NIPAL2: variants seen among roughly 807,000 people sequenced by gnomAD.
NIPAL2 encodes NIPA like domain containing 2.
Under a neutral mutation model 48.9 loss-of-function variants are expected in NIPAL2, and 43 were observed. The observed-to-expected ratio is 0.88, with a 90% confidence interval of 0.69 to 1.13. The LOEUF (loss-of-function observed/expected upper bound fraction) is 1.13, where lower values mean the gene tolerates loss of function less well. NIPAL2 is among the 50% of genes most tolerant of loss of function. The pLI is 0.00. For synonymous variants in NIPAL2, 167 were observed against 174.6 expected (o/e 0.96, Z 0.34); for missense variants, 446 against 461.4 (o/e 0.97, Z 0.31).
intron 5 of NIPAL2, among the ~76,000 whole-genome samples, chr8:98,213,218 C>A (rs1432669758): frequency 1.3e-5 from 2 of 152,196 alleles, no homozygotes; most frequent in African/African-American, 2.4e-5. Context: ...CCTTCAACCT[C>A]CCCAGGAACC....
At chr8:98,222,401 T>A in intron 5 of NIPAL2, 78 bp downstream of exon 5, 1 of 1,420,690 alleles carries the variant, frequency 7.0e-7, no homozygotes, top group Middle Eastern at 1.8e-4. Flanking sequence ...AGGAAAAGAT[T>A]ATGTTCTCTA....
At chr8:98,280,674 T>C (rs1290526125) in intron 1 of NIPAL2, among the ~76,000 whole-genome samples, 1 of 149,222 alleles carries the variant, frequency 6.7e-6, no homozygotes, top group African/African-American at 2.5e-5. Context: ...TAGAGATACA[T>C]CTTTAAGCAT....
chr8:98,230,513 C>T (rs1812391273), intron 4 of NIPAL2, among the ~76,000 whole-genome samples: 1 of 152,310 alleles, frequency 6.6e-6, no homozygotes, highest in Non-Finnish European at 1.5e-5. Context: ...CACCGTAAAT[C>T]TCCCAGAGGA....
At chr8:98,229,058 T>A (rs961876759) in intron 4 of NIPAL2, among the ~76,000 whole-genome samples, 1 of 152,162 alleles carries the variant, frequency 6.6e-6, no homozygotes, top group Non-Finnish European at 1.5e-5. Context: ...CAGACAGCTG[T>A]GGGTAAGCTG....
In NIPAL2 at chr8:98,190,804, C is replaced by G. The variant is rs1006110328; in HGVS notation, c.*2174G>C. 2 of 152,104 alleles carry G rather than the reference C, an allele frequency of 1.3e-5. No homozygotes were observed. Among genetic ancestry groups the G allele is most frequent in the African/African-American group, 2.4e-5 (1 of 41,392 alleles). The allele number at this position is 152,104 out of a possible 1,614,324, so 9.4% of individuals were successfully genotyped here. Reference sequence around the variant, plus strand: ...GGTCTTTACTGAAAACTTTGCCGACCCTTGGTCTAGACAGATAGTCAGATG... The same window carrying G: ...GGTCTTTACTGAAAACTTTGCCGACGCTTGGTCTAGACAGATAGTCAGATG... On this transcript the variant is annotated 3_prime_UTR_variant, in exon 11 of 11. Coordinates refer to ENST00000430223, the MANE Select transcript of NIPAL2 (RefSeq NM_001321635.2).
Position 98,205,176 on chromosome 8 carries a change from T to C in NIPAL2, c.726A>G (p.Gln242=), listed in dbSNP as rs1810970007. 3 of 1,613,238 alleles carry C rather than the reference T, an allele frequency of 1.9e-6. No homozygotes were observed. Among genetic ancestry groups the C allele is most frequent in the Non-Finnish European group, 2.5e-6 (3 of 1,179,224 alleles). ...TGATATAGAAAATGGGGTAAGTTAG[T>C]TGCATTTTATCCATCACAGAAAAAG... The part of the protein sequence containing the change: ...MITFSVMDKM[Q]LTYPIFYIMF... Residue 242 remains glutamine, a synonymous_variant, in exon 7 of 11, where the codon CAA becomes CAG. Coordinates refer to ENST00000430223, the MANE Select transcript of NIPAL2 (RefSeq NM_001321635.2).
At chr8:98,193,466 T>C (rs2130676071) in intron 10 of NIPAL2, 1 of 1,570,076 alleles carries the variant, frequency 6.4e-7, no homozygotes. Context: ...CCTTTGATAG[T>C]GACTTCTAAA....
intron 4 of NIPAL2, among the ~76,000 whole-genome samples, chr8:98,222,904 T>C (rs1275697348): frequency 6.6e-6 from 1 of 152,214 alleles, no homozygotes; most frequent in Non-Finnish European, 1.5e-5. Context: ...TCAGAATATG[T>C]GCTACGAAGA....
At chr8:98,250,272 A>G (rs921475880) in intron 3 of NIPAL2, among the ~76,000 whole-genome samples, 64 of 152,326 alleles carry the variant, frequency 4.2e-4, no homozygotes, top group African/African-American at 1.5e-3. Context: ...ACAGAAAAAA[A>G]GTTATAACAT....
At chr8:98,210,088 G>A in intron 6 of NIPAL2, among the ~76,000 whole-genome samples, 1 of 151,780 alleles carries the variant, frequency 6.6e-6, no homozygotes, top group East Asian at 1.9e-4. Context: ...TTAAGAACAT[G>A]TTGTGTTTAG....
At chr8:98,202,765 T>G (rs552611590) in intron 8 of NIPAL2, among the ~76,000 whole-genome samples, 10 of 152,318 alleles carry the variant, frequency 6.6e-5, no homozygotes, top group Admixed American at 2.6e-4. Context: ...CAAAATGGAC[T>G]AATCCAAGGG....
chr8:98,198,208 A>C (rs1290534435), intron 8 of NIPAL2, among the ~76,000 whole-genome samples: 4 of 152,214 alleles, frequency 2.6e-5, no homozygotes, highest in African/African-American at 9.6e-5. Flanking sequence ...TTCATTGACA[A>C]TAAGCAGTAA....
chr8:98,198,636 C>T (rs1810665727), intron 8 of NIPAL2, among the ~76,000 whole-genome samples: 1 of 152,264 alleles, frequency 6.6e-6, no homozygotes, highest in Admixed American at 6.5e-5. Flanking sequence ...GCTTTTACAT[C>T]AGCACTTGCT....
chr8:98,293,424 C>T (rs1816596080), intron 1 of NIPAL2, among the ~76,000 whole-genome samples: 1 of 152,110 alleles, frequency 6.6e-6, no homozygotes, highest in Admixed American at 6.5e-5. Context: ...CAAAGTTTTC[C>T]CAAAGGGCCG....
intron 4 of NIPAL2, among the ~76,000 whole-genome samples, chr8:98,232,191 G>A (rs1248934312): frequency 5.9e-5 from 9 of 152,128 alleles, no homozygotes; most frequent in African/African-American, 1.4e-4. Flanking sequence ...TTAGGATATC[G>A]CTTGTTGGAG....
In NIPAL2 at chr8:98,194,789, G is replaced by A; in HGVS notation, c.978C>T (p.Val326=). ...GATGTTCCTTTTCTCGATTTCTTGT[G>A]ACCAAAAATACACCAAGGAATGACA... ...CFLSFLGVFL[V]TRNREKEHLQ... The change falls in exon 10 of 11, where the codon GTC becomes GTT. Residue 326 remains valine, a synonymous_variant. Coordinates refer to ENST00000430223, the MANE Select transcript of NIPAL2 (RefSeq NM_001321635.2). 6.4e-7 allele frequency: 1 copy of A among 1,571,286 alleles called. No individual in the cohort carries two copies. Among genetic ancestry groups the A allele is most frequent in the Non-Finnish European group, 8.6e-7 (1 of 1,163,136 alleles).
intron 1 of NIPAL2, among the ~76,000 whole-genome samples, chr8:98,282,557 C>T (rs771564212): frequency 2.0e-5 from 3 of 152,106 alleles, no homozygotes; most frequent in Non-Finnish European, 2.9e-5. Context: ...CCTGTAGTCC[C>T]GGCTACTCAG....
chr8:98,246,408 G>A (rs1451823687), intron 3 of NIPAL2, among the ~76,000 whole-genome samples: 1 of 152,174 alleles, frequency 6.6e-6, no homozygotes, highest in Non-Finnish European at 1.5e-5. Flanking sequence ...TCTCAGTGCA[G>A]TTAGCTCTCC....
At position 98,280,761 on chromosome 8, in the gene NIPAL2, T is replaced by TATATATATATATAGAGAGAGAGAGAG; in HGVS notation, c.135+13241_135+13242insCTCTCTCTCTCTCTATATATATATAT. On this transcript the variant is annotated intron_variant, in intron 1 of 10. Coordinates refer to ENST00000430223, the MANE Select transcript of NIPAL2 (RefSeq NM_001321635.2). ...CTATATATATATATATATATATATA[T>TATATATATATATAGAGAGAGAGAGAG]AGAGAGAGAGAGAGAGAGAGAGAGA... 1.9e-3 allele frequency among the ~76,000 whole-genome samples: 58 copies of TATATATATATATAGAGAGAGAGAGAG among 30,006 alleles called. 1 individual carries two copies. The highest frequency in any genetic ancestry group is 4.1e-3 in the African/African-American group (36 of 8,780). 19.7% of individuals were successfully genotyped at this position (30,006 alleles called of 152,430 possible).
Sources: allele counts gnomAD v4.1 joint callset (sites outside exome capture counted in the v4.1 genomes callset), GRCh38; gene constraint gnomAD v4.1.1; transcripts MANE v1.5; gene names NCBI Gene and HGNC (gene_info 2026-07-23, HGNC 2026-07-21).